MTHFD1L: variants seen among roughly 807,000 people sequenced by gnomAD.
The protein encoded by MTHFD1L is monofunctional C1-tetrahydrofolate synthase, mitochondrial.
Under a neutral mutation model 119.5 loss-of-function variants are expected in MTHFD1L, and 81 were observed. That is an observed-to-expected ratio of 0.68 (90% CI 0.57 to 0.82). The LOEUF is 0.82. Ranked by LOEUF, MTHFD1L falls within the 40% of genes least tolerant of loss-of-function variation. The probability of loss-of-function intolerance (pLI) is 0.00; values close to 1 mark genes in which losing one functional copy is unlikely to be tolerated. For synonymous variants in MTHFD1L, 430 were observed against 475.2 expected, an observed-to-expected ratio of 0.90 and a Z score of 1.24; for missense variants, 1,125 against 1,253.4, an observed-to-expected ratio of 0.90 and a Z score of 1.55.
intron 26 of MTHFD1L, among the ~76,000 whole-genome samples, chr6:151,074,892 T>C (rs1575219): frequency 0.69 from 104,228 of 152,094 alleles, 37,915 homozygotes; most frequent in East Asian, 0.91. Context: ...CCCAGTGATG[T>C]GTTTCTCAGA....
chr6:151,052,919 G>T (rs1414411420), intron 26 of MTHFD1L, among the ~76,000 whole-genome samples: 1 of 152,204 alleles, frequency 6.6e-6, no homozygotes. Flanking sequence ...GGTAGCTCCA[G>T]GCTGAATAAA....
intron 8 of MTHFD1L, among the ~76,000 whole-genome samples, chr6:150,910,875 G>T (rs1237184486): frequency 6.6e-6 from 1 of 152,176 alleles, no homozygotes; most frequent in Non-Finnish European, 1.5e-5. Context: ...AAGAAAGGAA[G>T]AAGTCCAATG....
intron 20 of MTHFD1L, among the ~76,000 whole-genome samples, chr6:151,002,195 A>C (rs1199849985): frequency 6.6e-6 from 1 of 152,220 alleles, no homozygotes; most frequent in Non-Finnish European, 1.5e-5. Context: ...TTTGATGAGG[A>C]GTATGGAGCA....
intron 26 of MTHFD1L, among the ~76,000 whole-genome samples, chr6:151,091,404 G>C (rs562781682): frequency 2.6e-5 from 4 of 152,194 alleles, no homozygotes; most frequent in Non-Finnish European, 4.4e-5. Flanking sequence ...CCCTGGAGCA[G>C]TGTTTCAGGG....
intron 11 of MTHFD1L, among the ~76,000 whole-genome samples, chr6:150,927,867 A>G (rs1790312614): frequency 6.6e-6 from 1 of 152,246 alleles, no homozygotes; most frequent in Middle Eastern, 3.4e-3. Flanking sequence ...CTCTAGTTCC[A>G]TCAATAAGTG....
intron 13 of MTHFD1L, among the ~76,000 whole-genome samples, chr6:150,942,582 T>G (rs1228919908): frequency 3.9e-5 from 6 of 152,058 alleles, no homozygotes; most frequent in Non-Finnish European, 8.8e-5. Context: ...CATTAAAAAA[T>G]GGGGGGATAA....
intron 17 of MTHFD1L, among the ~76,000 whole-genome samples, chr6:150,959,954 A>G (rs970697786): frequency 2.6e-5 from 4 of 152,206 alleles, no homozygotes; most frequent in African/African-American, 4.8e-5. Context: ...TTAGTAATCA[A>G]TTAAGTCTGA....
At chr6:150,871,702 C>T (rs1779551608) in intron 1 of MTHFD1L, among the ~76,000 whole-genome samples, 1 of 151,398 alleles carries the variant, frequency 6.6e-6, no homozygotes, top group African/African-American at 2.4e-5. Context: ...CGGGGTTTCA[C>T]CATATTGGCC....
At position 150,965,087 on chromosome 6, in the gene MTHFD1L, C is replaced by T. The variant is rs529182967; in HGVS notation, c.2013+50C>T. On this transcript the variant is annotated intron_variant, in intron 19 of 27. Coordinates refer to ENST00000367321, the MANE Select transcript of MTHFD1L (RefSeq NM_015440.5). ...ATTGTTTGCATTAACTGGATTGCCA[C>T]ACAATGTGAACATTTTTAGCCAATA... 180 of 1,542,710 alleles carry T rather than the reference C, an allele frequency of 1.2e-4. No individual in the cohort carries two copies. In the African/African-American group the frequency reaches 2.2e-3, roughly 19 times the overall value.
At chr6:151,090,852 T>C (rs35656247) in intron 26 of MTHFD1L, among the ~76,000 whole-genome samples, 35,577 of 119,594 alleles carry the variant, frequency 0.3, 5,753 homozygotes, top group East Asian at 0.54. Flanking sequence ...TCGCTCCATG[T>C]GACTGGGTGC....
chr6:150,928,433 CAAA>C (rs540059318), intron 11 of MTHFD1L, among the ~76,000 whole-genome samples: 46 of 70,924 alleles, frequency 6.5e-4, no homozygotes, highest in African/African-American at 1.6e-3. Flanking sequence ...AAGACTGTCT[CAAA>C]AAAAAAAAAA....
intron 20 of MTHFD1L, among the ~76,000 whole-genome samples, chr6:150,984,733 A>T (rs2128428015): frequency 6.6e-6 from 1 of 152,352 alleles, no homozygotes; most frequent in South Asian, 2.1e-4. Flanking sequence ...TTAGGAACAG[A>T]ATTTCTTAAA....
chr6:151,025,391 T>G (rs1784491212), intron 24 of MTHFD1L, among the ~76,000 whole-genome samples: 1 of 152,244 alleles, frequency 6.6e-6, no homozygotes. Context: ...GTATTGGTAA[T>G]GCAAGCCCTT....
chr6:150,995,339 A>G (rs1779673874), intron 20 of MTHFD1L, among the ~76,000 whole-genome samples: 2 of 152,032 alleles, frequency 1.3e-5, no homozygotes, highest in Admixed American at 6.5e-5. Context: ...ACATGGAGAA[A>G]CACTGTCTCT....
At chr6:150,956,337 G>A (rs960474134) in intron 17 of MTHFD1L, among the ~76,000 whole-genome samples, 12 of 151,978 alleles carry the variant, frequency 7.9e-5, no homozygotes, top group Admixed American at 6.6e-4. Flanking sequence ...AGCCACTCAG[G>A]GTATTCTTTG....
chr6:151,092,538 A>C lies in MTHFD1L; in HGVS notation c.2919A>C (p.Gln973His). Residue 973 changes from glutamine (Q) to histidine (H), a missense_variant, in exon 27 of 28, where the codon CAA (glutamine) becomes CAC (histidine). Physicochemically the swap from Gln to His is conservative, Grantham distance 24. Transcript: ENST00000367321. ...TAGATCTTGATACCGAAACAGAACA[A>C]GTTAAAGGCTTGTTCTAAGTGGACA... ...YDIDLDTETEQVKGLF is the reference protein window; with the variant it reads ...YDIDLDTETEHVKGLF 1.2e-6 allele frequency: 2 copies of C among 1,614,156 alleles called. No homozygotes were observed.
At chr6:150,964,004 A>G (rs1796835422) in intron 18 of MTHFD1L, among the ~76,000 whole-genome samples, 1 of 152,196 alleles carries the variant, frequency 6.6e-6, no homozygotes, top group Non-Finnish European at 1.5e-5. Context: ...CATCTCTGCT[A>G]AAAATACAAA....
chr6:151,099,423 G>T (rs1795166074), intron 27 of MTHFD1L: 2 of 790,340 alleles, frequency 2.5e-6, no homozygotes, highest in Non-Finnish European at 4.3e-6. Context: ...AGCCACTACA[G>T]TGAGGCTGGC....
chr6:151,088,623 A>ATTTTTTTTTTTTTTTTTTTTTT (rs71014539), intron 26 of MTHFD1L, among the ~76,000 whole-genome samples: 3 of 128,640 alleles, frequency 2.3e-5, no homozygotes, highest in Non-Finnish European at 3.2e-5. Context: ...CACCCAGCTA[A>ATTTTTTTTTTTTTTTTTTTTTT]TTTTTTTTTT....
Sources: gnomAD v4.1 joint callset for allele counts (sites outside exome capture counted in the v4.1 genomes callset) on GRCh38, gnomAD v4.1.1 for gene constraint, MANE v1.5 for transcripts, NCBI Gene and HGNC (gene_info 2026-07-23, HGNC 2026-07-21) for gene names.